Variants in PRKG1 observed in about 807,000 individuals in gnomAD.
PRKG1 encodes protein kinase cGMP-dependent 1.
A neutral mutation model predicts 88.1 loss-of-function variants in PRKG1; 35 were observed. The ratio of observed to expected loss-of-function variants is 0.40; its 90% confidence interval spans 0.30 to 0.53. The LOEUF (loss-of-function observed/expected upper bound fraction) is 0.53, where lower values mean the gene tolerates loss of function less well. Ranked by LOEUF, PRKG1 falls within the 20% of genes least tolerant of loss-of-function variation. The pLI, the probability that PRKG1 is intolerant of heterozygous loss-of-function variation, is 0.59. For synonymous variants in PRKG1, 303 were observed against 292.5 expected, an observed-to-expected ratio of 1.04 and a Z score of -0.37; for missense variants, 540 against 839.8, an observed-to-expected ratio of 0.64 and a Z score of 4.41.
intron 2 of PRKG1, among the ~76,000 whole-genome samples, chr10:51,396,002 G>A (rs1036921353): frequency 3.3e-5 from 5 of 152,092 alleles, no homozygotes; most frequent in African/African-American, 1.2e-4. Flanking sequence ...AATTTTAATG[G>A]CATAAAATGC....
At chr10:51,082,537 C>A (rs996695419) in intron 1 of PRKG1, among the ~76,000 whole-genome samples, 8 of 152,060 alleles carry the variant, frequency 5.3e-5, no homozygotes, top group Non-Finnish European at 1.0e-4. Context: ...GTAACTTTAA[C>A]GTGTAGCAAA....
At chr10:52,266,918 A>G (rs1377376991) in intron 10 of PRKG1, among the ~76,000 whole-genome samples, 1 of 152,072 alleles carries the variant, frequency 6.6e-6, no homozygotes, top group African/African-American at 2.4e-5. Flanking sequence ...AACATGCATA[A>G]CTATCTAGGC....
chr10:51,383,722 C>T (rs558565485), intron 2 of PRKG1, among the ~76,000 whole-genome samples: 1 of 152,272 alleles, frequency 6.6e-6, no homozygotes. Context: ...TCTTCTTCCT[C>T]TGAGACTAAT....
intron 2 of PRKG1, among the ~76,000 whole-genome samples, chr10:51,231,730 T>TACAAC (rs1158265105): frequency 6.6e-6 from 1 of 151,812 alleles, no homozygotes; most frequent in Non-Finnish European, 1.5e-5. Context: ...TTTTTTTACC[T>TACAAC]ACAACACTTC....
chr10:52,150,390 C>T (rs1031685022), intron 8 of PRKG1, among the ~76,000 whole-genome samples: 10 of 151,918 alleles, frequency 6.6e-5, no homozygotes, highest in Admixed American at 5.2e-4. Flanking sequence ...CATGTGACCT[C>T]GAGCAAATTA....
intron 3 of PRKG1, among the ~76,000 whole-genome samples, chr10:51,720,068 G>A (rs1475560571): frequency 1.3e-5 from 2 of 152,152 alleles, no homozygotes; most frequent in Non-Finnish European, 2.9e-5. Context: ...TGGTATCACA[G>A]GGAAAATAGG....
At chr10:51,384,031 C>G (rs929131491) in intron 2 of PRKG1, among the ~76,000 whole-genome samples, 3 of 152,056 alleles carry the variant, frequency 2.0e-5, no homozygotes, top group Non-Finnish European at 2.9e-5. Flanking sequence ...AAATAAAGCA[C>G]CACCTGAAAG....
intron 3 of PRKG1, among the ~76,000 whole-genome samples, chr10:51,724,173 G>T (rs559054703): frequency 4.6e-5 from 7 of 152,136 alleles, no homozygotes; most frequent in Admixed American, 2.0e-4. Flanking sequence ...ATTCAGTTGT[G>T]TACACTATCA....
chr10:51,078,159 T>C (rs1477213801), intron 1 of PRKG1, among the ~76,000 whole-genome samples: 1 of 152,116 alleles, frequency 6.6e-6, no homozygotes, highest in Non-Finnish European at 1.5e-5. Context: ...GTGGTTAGTG[T>C]CTTTGTATTT....
intron 3 of PRKG1, chr10:51,695,753 AAAC>A (rs1841273459): frequency 6.6e-6 from 1 of 152,200 alleles, no homozygotes; most frequent in Non-Finnish European, 1.5e-5. Context: ...AGGTAGTAGA[AAAC>A]AACAGCATAG....
chr10:52,029,677 G>A (rs1328826420), intron 5 of PRKG1, among the ~76,000 whole-genome samples: 1 of 152,182 alleles, frequency 6.6e-6, no homozygotes, highest in Admixed American at 6.6e-5. Context: ...ACTGGTCCCA[G>A]CTCTAGGTTA....
chr10:51,107,194 C>G (rs1194202709), intron 1 of PRKG1, among the ~76,000 whole-genome samples: 2 of 152,034 alleles, frequency 1.3e-5, no homozygotes, highest in African/African-American at 2.4e-5. Context: ...TACATGAGGG[C>G]CAGCAGGGCT....
At chr10:51,453,268 A>AT (rs1839490919) in intron 2 of PRKG1, among the ~76,000 whole-genome samples, 1 of 151,368 alleles carries the variant, frequency 6.6e-6, no homozygotes, top group African/African-American at 2.4e-5. Flanking sequence ...TATCTTTTGT[A>AT]TTTGTTGTTG....
intron 3 of PRKG1, among the ~76,000 whole-genome samples, chr10:51,592,583 C>T (rs764816033): frequency 6.6e-5 from 10 of 152,166 alleles, no homozygotes; most frequent in Non-Finnish European, 1.3e-4. Flanking sequence ...TGGCCTTCGT[C>T]TGTCCCTAGG....
chr10:52,082,090 T>G (rs1050498716), intron 7 of PRKG1, among the ~76,000 whole-genome samples: 1 of 152,060 alleles, frequency 6.6e-6, no homozygotes, highest in African/African-American at 2.4e-5. Flanking sequence ...CTTCTTCACA[T>G]GAAGGCGGCA....
chr10:52,277,387 T>C (rs1841899712), intron 12 of PRKG1, among the ~76,000 whole-genome samples: 1 of 152,176 alleles, frequency 6.6e-6, no homozygotes. Flanking sequence ...TTCTATACTA[T>C]GTTAGTTAAT....
At chr10:51,780,827 A>C (rs191383810) in intron 3 of PRKG1, among the ~76,000 whole-genome samples, 1 of 152,282 alleles carries the variant, frequency 6.6e-6, no homozygotes, top group Non-Finnish European at 1.5e-5. Flanking sequence ...TTTGCAGGAA[A>C]TGTTGCATTC....
At chr10:51,887,910 A>G (rs1260756963) in intron 4 of PRKG1, among the ~76,000 whole-genome samples, 1 of 152,158 alleles carries the variant, frequency 6.6e-6, no homozygotes, top group East Asian at 1.9e-4. Flanking sequence ...TTTCAATGGT[A>G]TAAAATTTCT....
At chr10:51,102,393 G>T (rs1006829414) in intron 1 of PRKG1, among the ~76,000 whole-genome samples, 1 of 151,818 alleles carries the variant, frequency 6.6e-6, no homozygotes, top group African/African-American at 2.4e-5. Context: ...TGGCAAGACT[G>T]GATATTTATT....
Sources: gnomAD v4.1 joint callset for allele counts (sites outside exome capture counted in the v4.1 genomes callset) on GRCh38, gnomAD v4.1.1 for gene constraint, MANE v1.5 for transcripts, NCBI Gene and HGNC (gene_info 2026-07-23, HGNC 2026-07-21) for gene names.